KYNU: variants seen among roughly 807,000 people sequenced by gnomAD.
The protein encoded by KYNU is L-kynurenine hydrolase.
Under a neutral mutation model 59.2 loss-of-function variants are expected in KYNU, and 54 were observed. That is an observed-to-expected ratio of 0.91 (90% confidence interval 0.73 to 1.14). The LOEUF is 1.14. Ranked by LOEUF, KYNU falls within the 50% of genes most tolerant of loss-of-function variation. The probability of loss-of-function intolerance (pLI) is 0.00; values close to 1 mark genes in which losing one functional copy is unlikely to be tolerated. For synonymous variants in KYNU, 177 were observed against 192.0 expected, an observed-to-expected ratio of 0.92 and a Z score of 0.65; for missense variants, 567 against 554.4, an observed-to-expected ratio of 1.02 and a Z score of -0.23.
At position 143,040,488 on chromosome 2, in the gene KYNU, C is replaced by G. The variant is rs1192710838; in HGVS notation, c.1102C>G (p.Leu368Val). 1 of 1,613,296 alleles carries G rather than the reference C, an allele frequency of 6.2e-7. No homozygotes were observed. Among genetic ancestry groups the G allele is most frequent in the East Asian group, 2.2e-5 (1 of 44,866 alleles). Residue 368 changes from leucine to valine, a missense_variant, in exon 13 of 14, where the codon CTG (leucine) becomes GTG (valine). Leu to Val is a conservative substitution (Grantham distance 32). Transcript: ENST00000264170. ...AAAATCTGTTTTGCTAACTGGCTAT[C>G]TGGAATACCTGATCAAGCATAACTA... ...RKKSVLLTGY[L>V]EYLIKHNYGK...
chr2:142,918,252 C>G (rs1039784540), intron 2 of KYNU, among the ~76,000 whole-genome samples: 1 of 152,110 alleles, frequency 6.6e-6, no homozygotes, highest in Non-Finnish European at 1.5e-5. Flanking sequence ...TTCTGGTAAT[C>G]TTCTTATACA....
intron 8 of KYNU, among the ~76,000 whole-genome samples, chr2:142,968,251 C>G (rs1684608281): frequency 6.6e-6 from 1 of 152,168 alleles, no homozygotes; most frequent in African/African-American, 2.4e-5. Flanking sequence ...GTGAGACCTT[C>G]TTAAAGAAGA....
At chr2:142,965,700 G>T (rs766320093) in intron 8 of KYNU, among the ~76,000 whole-genome samples, 3 of 152,274 alleles carry the variant, frequency 2.0e-5, no homozygotes, top group Non-Finnish European at 4.4e-5. Context: ...ATGACTCACT[G>T]CTTCCTGAAA....
intron 8 of KYNU, among the ~76,000 whole-genome samples, chr2:142,980,390 A>C (rs112649388): frequency 6.6e-6 from 1 of 151,982 alleles, no homozygotes; most frequent in Non-Finnish European, 1.5e-5. Flanking sequence ...CTGACCTCCT[A>C]TCTCATCCTG....
chr2:142,891,217 A>G (rs1026581973), intron 2 of KYNU, among the ~76,000 whole-genome samples: 23 of 152,328 alleles, frequency 1.5e-4, no homozygotes, highest in East Asian at 1.2e-3. Flanking sequence ...AATTTTTAGT[A>G]ATTGCATATG....
chr2:142,895,113 G>A (rs943039094), intron 2 of KYNU, among the ~76,000 whole-genome samples: 2 of 152,144 alleles, frequency 1.3e-5, no homozygotes, highest in Admixed American at 6.5e-5. Context: ...TGTTCATCAG[G>A]AGAGTTTATT....
intron 2 of KYNU, among the ~76,000 whole-genome samples, chr2:142,912,244 G>A (rs949318948): frequency 2.0e-5 from 3 of 151,904 alleles, no homozygotes; most frequent in Admixed American, 2.0e-4. Context: ...GAATGTTCAG[G>A]GTCTTAGTTT....
chr2:142,980,124 C>T (rs1331996871), intron 8 of KYNU, among the ~76,000 whole-genome samples: 1 of 151,090 alleles, frequency 6.6e-6, no homozygotes, highest in Admixed American at 6.6e-5. Flanking sequence ...AGGGTAACTT[C>T]CTGATGTTTT....
intron 11 of KYNU, 119 bp downstream of exon 11, chr2:143,029,798 T>G: frequency 1.5e-6 from 1 of 682,808 alleles, no homozygotes; most frequent in Non-Finnish European, 2.7e-6. Flanking sequence ...AAAATGTCAC[T>G]GAGAATTCTC....
intron 8 of KYNU, among the ~76,000 whole-genome samples, chr2:142,964,179 C>T (rs554175295): frequency 2.2e-4 from 33 of 150,682 alleles, no homozygotes; most frequent in African/African-American, 6.3e-4. Flanking sequence ...AGGTTTTTTC[C>T]GTTTTATTTA....
intron 10 of KYNU, among the ~76,000 whole-genome samples, chr2:143,005,631 A>G (rs1398817557): frequency 6.6e-6 from 1 of 152,158 alleles, no homozygotes; most frequent in Non-Finnish European, 1.5e-5. Context: ...AAATATACAA[A>G]CCTTGTATAT....
chr2:143,028,934 A>G, intron 10 of KYNU, among the ~76,000 whole-genome samples: 1 of 152,198 alleles, frequency 6.6e-6, no homozygotes, highest in East Asian at 1.9e-4. Flanking sequence ...ACTTTCAACA[A>G]TTGTATGGGC....
chr2:143,038,488 G>C (rs7598467), intron 12 of KYNU, among the ~76,000 whole-genome samples: 3 of 151,952 alleles, frequency 2.0e-5, no homozygotes, highest in African/African-American at 7.3e-5. Flanking sequence ...CTCCTACCAA[G>C]TTCTGTGTAA....
At chr2:142,983,998 T>G (rs1320279411) in intron 8 of KYNU, among the ~76,000 whole-genome samples, 1 of 152,018 alleles carries the variant, frequency 6.6e-6, no homozygotes, top group Non-Finnish European at 1.5e-5. Context: ...TGAATAGCCT[T>G]TCCGTCAATT....
intron 4 of KYNU, among the ~76,000 whole-genome samples, chr2:142,933,097 T>C (rs1292587375): frequency 6.6e-6 from 1 of 152,126 alleles, no homozygotes; most frequent in African/African-American, 2.4e-5. Context: ...TTGAATAAAC[T>C]GTTAGGTTGG....
chr2:142,973,417 C>T (rs1205130359), intron 8 of KYNU, among the ~76,000 whole-genome samples: 1 of 152,116 alleles, frequency 6.6e-6, no homozygotes, highest in Non-Finnish European at 1.5e-5. Flanking sequence ...TCCAATTACC[C>T]TCATATAGGG....
chr2:142,881,909 C>CT (rs1222437103), intron 1 of KYNU, among the ~76,000 whole-genome samples: 6,876 of 123,238 alleles, frequency 0.056, 700 homozygotes, highest in African/African-American at 0.18. Context: ...CTTTTCTTTT[C>CT]TTTTTTCTTT....
In KYNU at chr2:142,954,804, T is replaced by C; in HGVS notation, c.374-6T>C. 1 of 1,580,066 alleles carries C rather than the reference T, an allele frequency of 6.3e-7. No homozygotes were observed. Among genetic ancestry groups the C allele is most frequent in the South Asian group, 1.1e-5 (1 of 90,362 alleles). On this transcript the variant is annotated splice_region_variant and splice_polypyrimidine_tract_variant and intron_variant, in intron 4 of 13. Coordinates refer to ENST00000264170, the MANE Select transcript of KYNU (RefSeq NM_003937.3). ...ACATCTAAATTACGATATGTTTATT[T>C]TACAGGAGCCAATGAGAAAGAAATA...
At chr2:143,001,014 G>GGGAT (rs1391983553) in intron 10 of KYNU, among the ~76,000 whole-genome samples, 1 of 152,136 alleles carries the variant, frequency 6.6e-6, no homozygotes, top group Non-Finnish European at 1.5e-5. Context: ...CACTCATGAT[G>GGGAT]GGATATGTCA....
Sources: gnomAD v4.1 joint callset for allele counts (sites outside exome capture counted in the v4.1 genomes callset) on GRCh38, gnomAD v4.1.1 for gene constraint, MANE v1.5 for transcripts, NCBI Gene and HGNC (gene_info 2026-07-23, HGNC 2026-07-21) for gene names.